LRRC74A: variants seen among roughly 807,000 people sequenced by gnomAD.
LRRC74A encodes the protein leucine rich repeat containing 74A.
LRRC74A carries 44 observed loss-of-function variants against 57.9 expected under a neutral mutation model. The observed-to-expected ratio is 0.76, with a 90% CI of 0.60 to 0.98. The LOEUF (loss-of-function observed/expected upper bound fraction) is 0.98. LRRC74A is among the 50% of genes least tolerant of loss of function. The pLI is 0.00. For missense variants in LRRC74A, 572 were observed against 574.0 expected (o/e 1.00, Z 0.04); for synonymous variants, 211 against 219.4 (o/e 0.96, Z 0.34).
rs1256712072 is a variant in LRRC74A at position 76,826,566 on chromosome 14, C to T, written c.-132C>T. On this transcript the variant is annotated 5_prime_UTR_variant, in exon 1 of 14. Coordinates refer to ENST00000689127, the MANE Select transcript of LRRC74A (RefSeq NM_001385106.1). ...TGGGAGGGAAGGATAACTGCAGGCTCCCCTGGGATGCCCCCAGGTGAGGGA... is the reference window on the plus strand; with the variant it reads ...TGGGAGGGAAGGATAACTGCAGGCTTCCCTGGGATGCCCCCAGGTGAGGGA... 4 of 1,612,590 alleles carry T rather than the reference C, an allele frequency of 2.5e-6. No individual in the cohort carries two copies. The highest frequency in any genetic ancestry group is 3.4e-6 in the Non-Finnish European group (4 of 1,179,442).
chr14:76,861,824 G>A (rs537472757), intron 11 of LRRC74A, among the ~76,000 whole-genome samples: 3 of 152,320 alleles, frequency 2.0e-5, no homozygotes, highest in South Asian at 2.1e-4. Context: ...GGGAGCAGGC[G>A]TGGGGATGCT....
At chr14:76,843,770 T>C (rs1234771311) in intron 5 of LRRC74A, among the ~76,000 whole-genome samples, 4 of 152,020 alleles carry the variant, frequency 2.6e-5, no homozygotes, top group African/African-American at 7.3e-5. Context: ...GGCGTTGTGA[T>C]CTCAGCTCAC....
intron 3 of LRRC74A, among the ~76,000 whole-genome samples, chr14:76,832,664 T>C (rs1896054463): frequency 6.6e-6 from 1 of 152,106 alleles, no homozygotes; most frequent in Non-Finnish European, 1.5e-5. Flanking sequence ...ATTAGGATCA[T>C]TGATTGGTCG....
intron 10 of LRRC74A, 30 bp from the exon 11 acceptor site, chr14:76,860,663 C>T: frequency 1.9e-6 from 3 of 1,576,502 alleles, no homozygotes; most frequent in Non-Finnish European, 2.6e-6. Context: ...GTGCCCTCAT[C>T]ATCATGGGTC....
Position 76,860,762 on chromosome 14 carries a change from G to C in LRRC74A, c.1123G>C (p.Val375Leu), listed in dbSNP as rs746898980. Residue 375 changes from valine to leucine, a missense_variant, in exon 11 of 14, where the codon GTG (valine) becomes CTG (leucine). Transcript: ENST00000689127. ...GVYAVHPQLD[V>L]VFKAVQGLSP... ...GTATGCCGTTCACCCGCAGCTGGAC[G>C]TGGTATTCAAGGCAGTACAAGGCCT... 25 of 1,611,664 alleles carry C rather than the reference G, an allele frequency of 1.6e-5. No homozygotes were observed. Among genetic ancestry groups the C allele is most frequent in the Non-Finnish European group, 2.0e-5 (24 of 1,178,132 alleles).
At chr14:76,843,507 G>A (rs1310515846) in intron 5 of LRRC74A, among the ~76,000 whole-genome samples, 1 of 152,156 alleles carries the variant, frequency 6.6e-6, no homozygotes, top group African/African-American at 2.4e-5. Flanking sequence ...GGATGTTATA[G>A]ACTCTAGGCA....
intron 5 of LRRC74A, among the ~76,000 whole-genome samples, chr14:76,843,166 C>T (rs1440147130): frequency 6.6e-6 from 1 of 151,744 alleles, no homozygotes; most frequent in Non-Finnish European, 1.5e-5. Flanking sequence ...ACCTGTAATC[C>T]CAGTTACTCA....
intron 3 of LRRC74A, among the ~76,000 whole-genome samples, chr14:76,831,616 A>C (rs1895979086): frequency 6.6e-6 from 1 of 152,194 alleles, no homozygotes; most frequent in South Asian, 2.1e-4. Context: ...AGAAAAAAAT[A>C]GAAGTCTATA....
At chr14:76,845,982 C>G (rs1298565749) in intron 7 of LRRC74A, among the ~76,000 whole-genome samples, 1 of 152,212 alleles carries the variant, frequency 6.6e-6, no homozygotes, top group African/African-American at 2.4e-5. Flanking sequence ...GGCGACACTG[C>G]ACTCCAGCCT....
intron 10 of LRRC74A, among the ~76,000 whole-genome samples, chr14:76,858,574 T>G (rs1016782124): frequency 6.6e-6 from 1 of 152,054 alleles, no homozygotes; most frequent in African/African-American, 2.4e-5. Context: ...CCATAACAAG[T>G]GCTTTTCCTC....
intron 7 of LRRC74A, among the ~76,000 whole-genome samples, chr14:76,847,736 C>A (rs990554621): frequency 6.6e-6 from 1 of 150,978 alleles, no homozygotes; most frequent in South Asian, 2.1e-4. Context: ...GTTATGGAAA[C>A]CCAAATGGAG....
intron 1 of LRRC74A, among the ~76,000 whole-genome samples, 196 bp from the exon 2 acceptor site, chr14:76,828,095 G>A (rs765582598): frequency 2.0e-5 from 3 of 152,212 alleles, no homozygotes; most frequent in Admixed American, 1.3e-4. Flanking sequence ...ACAAGCTCCC[G>A]TAGACCCTGC....
At chr14:76,858,869 G>A (rs1898085282) in intron 10 of LRRC74A, among the ~76,000 whole-genome samples, 1 of 152,170 alleles carries the variant, frequency 6.6e-6, no homozygotes, top group Admixed American at 6.5e-5. Flanking sequence ...GATTAGAGGT[G>A]TGAGCCACTG....
intron 1 of LRRC74A, 119 bp downstream of exon 1, chr14:76,826,853 GGAT>G: frequency 1.6e-6 from 1 of 618,094 alleles, no homozygotes; most frequent in Non-Finnish European, 2.7e-6. Flanking sequence ...TCTAGAAGTA[GGAT>G]GATTTGTTAT....
chr14:76,846,982 G>C (rs1897152093), intron 7 of LRRC74A, among the ~76,000 whole-genome samples: 1 of 152,314 alleles, frequency 6.6e-6, no homozygotes, highest in East Asian at 1.9e-4. Flanking sequence ...GTCAGGGAGT[G>C]TAGACAGAGT....
intron 2 of LRRC74A, chr14:76,828,882 G>A (rs1210669827): frequency 1.6e-6 from 1 of 612,724 alleles, no homozygotes; most frequent in Non-Finnish European, 2.5e-6. Flanking sequence ...CACTCTGATG[G>A]TTCTGCCTTC....
In LRRC74A at chr14:76,837,567, A is replaced by C. The variant is rs116986699; in HGVS notation, c.448-308A>C. On this transcript the variant is annotated intron_variant, in intron 4 of 13. Coordinates refer to ENST00000689127, the MANE Select transcript of LRRC74A (RefSeq NM_001385106.1). ...TTTGGGTTTTAATACAAAGAAACAAAATAGTATGCTTATCTGAAGCACCAA... is the reference window on the plus strand; with the variant it reads ...TTTGGGTTTTAATACAAAGAAACAACATAGTATGCTTATCTGAAGCACCAA... 5.5e-3 allele frequency among the ~76,000 whole-genome samples: 835 copies of C among 152,308 alleles called. 3 individuals carry two copies. Among genetic ancestry groups the C allele is most frequent in the Non-Finnish European group, 7.3e-3 (497 of 68,032 alleles).
At chr14:76,845,523 A>G (rs1272270044) in intron 7 of LRRC74A, among the ~76,000 whole-genome samples, 1 of 152,190 alleles carries the variant, frequency 6.6e-6, no homozygotes, top group Non-Finnish European at 1.5e-5. Context: ...AAAGCAATGG[A>G]AAAAGTACCT....
intron 13 of LRRC74A, among the ~76,000 whole-genome samples, chr14:76,869,589 T>C (rs927369308): frequency 4.6e-5 from 7 of 151,790 alleles, no homozygotes; most frequent in Admixed American, 3.9e-4. Flanking sequence ...CCACCTCTAT[T>C]AAAAACACAA....
Sources: gnomAD v4.1 joint callset for allele counts (sites outside exome capture counted in the v4.1 genomes callset) on GRCh38, gnomAD v4.1.1 for gene constraint, MANE v1.5 for transcripts, NCBI Gene and HGNC (gene_info 2026-07-23, HGNC 2026-07-21) for gene names.